Variants in KCNK13 observed in about 807,000 individuals in gnomAD.
The protein encoded by KCNK13 is potassium two pore domain channel subfamily K member 13, also known as potassium channel subfamily K member 13.
In KCNK13, 12 loss-of-function variants were observed where a neutral mutation model predicts 23.4. That is an observed-to-expected ratio of 0.51 (90% CI 0.33 to 0.83). The LOEUF is 0.83. Among genes scored for constraint, KCNK13 ranks in the 40% least tolerant of loss-of-function variants. KCNK13 has a pLI of 0.02. For missense variants in KCNK13, 463 were observed against 556.3 expected (o/e 0.83, Z 1.69); for synonymous variants, 231 against 229.5 (o/e 1.01, Z -0.06).
intron 1 of KCNK13, among the ~76,000 whole-genome samples, chr14:90,121,436 G>T (rs964824727): frequency 1.3e-5 from 2 of 152,186 alleles, no homozygotes; most frequent in African/African-American, 4.8e-5. Flanking sequence ...CCGTGGCAAT[G>T]TCATTAGCTA....
chr14:90,084,516 A>T (rs1203731846), intron 1 of KCNK13, among the ~76,000 whole-genome samples: 1 of 152,212 alleles, frequency 6.6e-6, no homozygotes, highest in Non-Finnish European at 1.5e-5. Flanking sequence ...CTAATGTATT[A>T]ACTCTAAAAA....
chr14:90,087,104 TTATATATATATACATATATATATACA>T (rs1889284513), intron 1 of KCNK13, among the ~76,000 whole-genome samples: 1 of 142,304 alleles, frequency 7.0e-6, no homozygotes, highest in Non-Finnish European at 1.5e-5. Flanking sequence ...TTATTTCATT[TTATATATATATACATATATATATACA>T]TATATATATA....
At chr14:90,179,430 T>C (rs1288249517) in intron 1 of KCNK13, among the ~76,000 whole-genome samples, 2 of 152,026 alleles carry the variant, frequency 1.3e-5, no homozygotes, top group African/African-American at 2.4e-5. Context: ...CTGAGTGAAG[T>C]GTTCTGTGGG....
At chr14:90,165,741 T>C (rs1890295434) in intron 1 of KCNK13, among the ~76,000 whole-genome samples, 1 of 152,236 alleles carries the variant, frequency 6.6e-6, no homozygotes, top group Non-Finnish European at 1.5e-5. Flanking sequence ...CACATTGTTT[T>C]TCACCTTAAA....
chr14:90,163,830 C>T (rs1011311325), intron 1 of KCNK13, among the ~76,000 whole-genome samples: 1 of 152,150 alleles, frequency 6.6e-6, no homozygotes, highest in Non-Finnish European at 1.5e-5. Context: ...GCTGGGAGTA[C>T]AGGCATGTGC....
At chr14:90,101,263 T>C (rs1214575521) in intron 1 of KCNK13, among the ~76,000 whole-genome samples, 1 of 152,158 alleles carries the variant, frequency 6.6e-6, no homozygotes, top group Non-Finnish European at 1.5e-5. Flanking sequence ...TGAAATCGCT[T>C]CTGGCACCAA....
intron 1 of KCNK13, among the ~76,000 whole-genome samples, chr14:90,069,939 C>T (rs906481979): frequency 6.6e-6 from 1 of 151,888 alleles, no homozygotes; most frequent in Non-Finnish European, 1.5e-5. Flanking sequence ...TGTTCAGTGT[C>T]TAGTGACAAA....
chr14:90,068,931 G>T (rs1265438979), intron 1 of KCNK13, among the ~76,000 whole-genome samples: 1 of 152,108 alleles, frequency 6.6e-6, no homozygotes, highest in African/African-American at 2.4e-5. Context: ...CCGGGCTCAG[G>T]CTGAGAAGAT....
intron 1 of KCNK13, among the ~76,000 whole-genome samples, chr14:90,079,467 A>G (rs1185660677): frequency 6.6e-6 from 1 of 152,130 alleles, no homozygotes; most frequent in African/African-American, 2.4e-5. Context: ...ACACCAGCCA[A>G]TCATTGGCTG....
At chr14:90,129,284 T>G (rs1453098047) in intron 1 of KCNK13, among the ~76,000 whole-genome samples, 1 of 152,104 alleles carries the variant, frequency 6.6e-6, no homozygotes, top group Non-Finnish European at 1.5e-5. Flanking sequence ...TTTTTCCAGG[T>G]TTTTGCCATT....
chr14:90,090,844 A>G (rs1889336407), intron 1 of KCNK13, among the ~76,000 whole-genome samples: 1 of 152,194 alleles, frequency 6.6e-6, no homozygotes, highest in Non-Finnish European at 1.5e-5. Context: ...GCCGCCATCC[A>G]TGTAAGGCAT....
intron 1 of KCNK13, among the ~76,000 whole-genome samples, chr14:90,163,387 G>A (rs1890270939): frequency 6.6e-6 from 1 of 151,784 alleles, no homozygotes; most frequent in Non-Finnish European, 1.5e-5. Flanking sequence ...GAAGCCTGCA[G>A]TGAAGACACT....
intron 1 of KCNK13, among the ~76,000 whole-genome samples, chr14:90,159,236 C>T (rs1024798710): frequency 1.3e-5 from 2 of 152,314 alleles, no homozygotes; most frequent in South Asian, 2.1e-4. Flanking sequence ...ACTTCCCATT[C>T]GGCCCCACCT....
intron 1 of KCNK13, among the ~76,000 whole-genome samples, chr14:90,119,656 G>C (rs917374108): frequency 6.6e-6 from 1 of 152,144 alleles, no homozygotes; most frequent in African/African-American, 2.4e-5. Flanking sequence ...CTGGAGTGCA[G>C]TGGCATGATC....
intron 1 of KCNK13, among the ~76,000 whole-genome samples, chr14:90,180,800 C>T (rs1890475861): frequency 6.6e-6 from 1 of 152,112 alleles, no homozygotes; most frequent in Admixed American, 6.6e-5. Context: ...GCATTTGGGC[C>T]CCTAAACCCA....
chr14:90,062,488 T>C lies in KCNK13; in HGVS notation c.283T>C (p.Trp95Arg), dbSNP rs1282244120. 3 of 1,542,936 alleles carry C rather than the reference T, an allele frequency of 1.9e-6. No homozygotes were observed. Among genetic ancestry groups the C allele is most frequent in the Non-Finnish European group, 2.6e-6 (3 of 1,144,670 alleles). ...CCGCGTGGACAACGTCCGCCCGCGC[T>C]GGGACTTCACCGGCGCCTTCTACTT... The part of the protein sequence containing the change: ...GIRVDNVRPR[W>R]DFTGAFYFVG... The change falls in exon 1 of 2, where the codon TGG becomes CGG. Residue 95 changes from tryptophan to arginine, a missense_variant. Physicochemically the swap from Trp to Arg is moderately radical, Grantham distance 101. This residue lies in a region of KCNK13 where 153 missense variants were observed against 153.6 expected (regional missense o/e 1.00). Coordinates refer to ENST00000282146, the MANE Select transcript of KCNK13 (RefSeq NM_022054.4). The surrounding 1 kb of genome is among the most constrained non-coding windows in gnomAD (Gnocchi z 4.5).
At chr14:90,115,615 C>T (rs1330514188) in intron 1 of KCNK13, among the ~76,000 whole-genome samples, 2 of 152,106 alleles carry the variant, frequency 1.3e-5, no homozygotes, top group African/African-American at 4.8e-5. Context: ...TGCAACTGCT[C>T]AACTTTGCGA....
chr14:90,146,173 T>G (rs150300830), intron 1 of KCNK13, among the ~76,000 whole-genome samples: 56 of 152,304 alleles, frequency 3.7e-4, no homozygotes, highest in Non-Finnish European at 7.1e-4. Context: ...TTTAGAATTT[T>G]TATGTTCTCT....
chr14:90,078,642 CT>C, intron 1 of KCNK13, among the ~76,000 whole-genome samples: 1 of 152,012 alleles, frequency 6.6e-6, no homozygotes, highest in South Asian at 2.1e-4. Context: ...GGCAGGCATG[CT>C]TTGAATACAC....
Sources: gnomAD v4.1 joint callset for allele counts (sites outside exome capture counted in the v4.1 genomes callset) on GRCh38, gnomAD v4.1.1 for gene constraint, gnomAD v4.1.1 regional missense constraint, Gnocchi (gnomAD v3.1) non-coding constraint, MANE v1.5 for transcripts, NCBI Gene and HGNC (gene_info 2026-07-23, HGNC 2026-07-21) for gene names.